TM9SF3: variants seen among roughly 807,000 people sequenced by gnomAD.
The protein encoded by TM9SF3 is SM-11044-binding protein.
In TM9SF3, 14 loss-of-function variants were observed where a neutral mutation model predicts 78.6. That is an observed-to-expected ratio of 0.18 (90% confidence interval 0.12 to 0.28). The LOEUF (loss-of-function observed/expected upper bound fraction) is 0.28, where lower values mean the gene tolerates loss of function less well. TM9SF3 is among the 10% of genes least tolerant of loss of function. The pLI, the probability that TM9SF3 is intolerant of heterozygous loss-of-function variation, is 1.00. For missense variants in TM9SF3, 496 were observed against 721.9 expected (o/e 0.69, Z 3.59); for synonymous variants, 231 against 241.7 (o/e 0.96, Z 0.41).
At chr10:96,563,519 G>A (rs1382252769) in intron 3 of TM9SF3, among the ~76,000 whole-genome samples, 8 of 152,114 alleles carry the variant, frequency 5.3e-5, no homozygotes, top group Non-Finnish European at 1.0e-4. Flanking sequence ...GGGACTATAG[G>A]TGTGCACCAC....
intron 2 of TM9SF3, among the ~76,000 whole-genome samples, chr10:96,576,099 T>C (rs947630899): frequency 1.4e-4 from 21 of 152,306 alleles, no homozygotes; most frequent in Admixed American, 1.2e-3. Context: ...AAGTTTGAAT[T>C]TGAGGCGTCA....
At chr10:96,578,047 C>A (rs539238300) in intron 1 of TM9SF3, among the ~76,000 whole-genome samples, 4 of 152,276 alleles carry the variant, frequency 2.6e-5, no homozygotes, top group African/African-American at 9.6e-5. Flanking sequence ...GACTCAAACC[C>A]CAAATCTCTC....
chr10:96,576,667 A>G lies in TM9SF3; in HGVS notation c.265T>C (p.Leu89=), dbSNP rs936420577. ...TLGEALQGVE[L]EFSGLDIKFK... is the part of the protein sequence containing the mutation. Reference sequence around the variant, plus strand: ...TTAATATCCAGACCACTAAATTCCAATTCAACCCCTTGAAGTGCTTCTCCC... The same window carrying G: ...TTAATATCCAGACCACTAAATTCCAGTTCAACCCCTTGAAGTGCTTCTCCC... Residue 89 remains leucine (L), a synonymous_variant, in exon 2 of 15, where the codon TTG becomes CTG. Transcript: ENST00000371142. The G allele has an allele frequency of 3.1e-6, 5 of 1,603,076 alleles. No homozygotes were observed. Among genetic ancestry groups the G allele is most frequent in the African/African-American group, 2.7e-5 (2 of 74,032 alleles).
chr10:96,569,267 G>T (rs775587202), intron 2 of TM9SF3, among the ~76,000 whole-genome samples: 5 of 152,180 alleles, frequency 3.3e-5, no homozygotes, highest in Non-Finnish European at 7.3e-5. Flanking sequence ...CAATGAAAGT[G>T]ATCTTTCCCT....
chr10:96,553,422 G>A (rs1316965442), intron 5 of TM9SF3, among the ~76,000 whole-genome samples: 4 of 152,162 alleles, frequency 2.6e-5, no homozygotes, highest in African/African-American at 7.2e-5. Context: ...CTATGTGACC[G>A]CGGTTTTCTC....
At chr10:96,564,581 A>C (rs1848348375) in intron 3 of TM9SF3, among the ~76,000 whole-genome samples, 2 of 152,248 alleles carry the variant, frequency 1.3e-5, no homozygotes, top group Admixed American at 1.3e-4. Context: ...ATATGTTCAG[A>C]CTTTGATAGT....
intron 11 of TM9SF3, among the ~76,000 whole-genome samples, chr10:96,529,644 A>AT (rs1343303439): frequency 1.5e-5 from 2 of 135,544 alleles, no homozygotes; most frequent in Admixed American, 7.8e-5. Context: ...ATGGCTCTAT[A>AT]TTTAAAAAAA....
chr10:96,582,573 A>G (rs1473679599), intron 1 of TM9SF3, among the ~76,000 whole-genome samples: 1 of 149,958 alleles, frequency 6.7e-6, no homozygotes, highest in Non-Finnish European at 1.5e-5. Context: ...TGTCCCTTCA[A>G]TCAGTTATTA....
At chr10:96,569,613 G>C (rs979577759) in intron 2 of TM9SF3, among the ~76,000 whole-genome samples, 1 of 152,202 alleles carries the variant, frequency 6.6e-6, no homozygotes, top group African/African-American at 2.4e-5. Context: ...CTTTGATTCA[G>C]TAATTCTACT....
intron 2 of TM9SF3, 61 bp downstream of exon 2, chr10:96,576,573 A>G: frequency 6.8e-7 from 1 of 1,463,550 alleles, no homozygotes. Context: ...AATAGTGCCA[A>G]AATATGAAAC....
chr10:96,580,880 A>G (rs1848560868), intron 1 of TM9SF3, among the ~76,000 whole-genome samples: 1 of 152,180 alleles, frequency 6.6e-6, no homozygotes, highest in African/African-American at 2.4e-5. Context: ...AACAAAAACA[A>G]AACTAAAGAA....
chr10:96,531,206 C>T (rs1316720724), intron 10 of TM9SF3, among the ~76,000 whole-genome samples: 2 of 152,156 alleles, frequency 1.3e-5, no homozygotes, highest in African/African-American at 4.8e-5. Flanking sequence ...TGGATGCCTT[C>T]TCTTGTCTCG....
At position 96,586,895 on chromosome 10, in the gene TM9SF3, TCCGCCGCCG is replaced by T. The variant is rs946249282; in HGVS notation, c.-69_-61del. The T allele has an allele frequency of 8.8e-7, 1 of 1,139,092 alleles. No individual in the cohort carries two copies. Among genetic ancestry groups the T allele is most frequent in the South Asian group, 4.2e-5 (1 of 23,532 alleles). The allele number at this position is 1,139,092 out of a possible 1,614,324, so 70.6% of individuals were successfully genotyped here. ...GACTCCTCCTCCCGCCGCCGCCTCC[TCCGCCGCCG>T]CCGCCTCCGCCGCGGCCGATTCGCA... On this transcript the variant is annotated 5_prime_UTR_variant, in exon 1 of 15. Coordinates refer to ENST00000371142, the MANE Select transcript of TM9SF3 (RefSeq NM_020123.4).
intron 7 of TM9SF3, among the ~76,000 whole-genome samples, chr10:96,549,822 A>AAC (rs1434463388): frequency 2.0e-5 from 3 of 150,598 alleles, no homozygotes; most frequent in Non-Finnish European, 4.4e-5. Context: ...CATTTTAAAA[A>AAC]AAAAAAAAAA....
chr10:96,578,459 C>A (rs1460964970), intron 1 of TM9SF3, among the ~76,000 whole-genome samples: 1 of 152,162 alleles, frequency 6.6e-6, no homozygotes, highest in Non-Finnish European at 1.5e-5. Flanking sequence ...CAGAGAAGGT[C>A]AGGACGAATA....
Position 96,521,031 on chromosome 10 carries a change from A to T in TM9SF3, c.*1232T>A. On this transcript the variant is annotated 3_prime_UTR_variant, in exon 15 of 15. Transcript: ENST00000371142. Reference sequence around the variant, plus strand: ...GAACATTCTAAAGCAATAATGCTTTAGATGTTACTTAAGTGTCCCAGACAG... The same window carrying T: ...GAACATTCTAAAGCAATAATGCTTTTGATGTTACTTAAGTGTCCCAGACAG... The T allele has an allele frequency of 2.5e-6, 1 of 394,468 alleles. No individual in the cohort carries two copies. Among genetic ancestry groups the T allele is most frequent in the Non-Finnish European group, 4.5e-6 (1 of 222,632 alleles). 24.4% of individuals were successfully genotyped at this position (394,468 alleles called of 1,614,324 possible). A position where few individuals can be genotyped will look rare whatever the true frequency, so the allele number is the denominator to read the frequency against.
chr10:96,548,012 A>C (rs1848122755), intron 7 of TM9SF3, 23 bp from the exon 8 acceptor site: 2 of 1,526,402 alleles, frequency 1.3e-6, no homozygotes. Context: ...AAAAGAAAAA[A>C]AAAATTAAAA....
intron 4 of TM9SF3, chr10:96,560,681 T>TGAC: frequency 1.7e-6 from 1 of 600,704 alleles, no homozygotes; most frequent in Non-Finnish European, 3.2e-6. Flanking sequence ...ATGATGATGA[T>TGAC]GATGACGATT....
At position 96,518,952 on chromosome 10, in the gene TM9SF3, T is replaced by C. The variant is rs780579403; in HGVS notation, c.*3311A>G. On this transcript the variant is annotated 3_prime_UTR_variant, in exon 15 of 15. Coordinates refer to ENST00000371142, the MANE Select transcript of TM9SF3 (RefSeq NM_020123.4). ...TTTATTACATGTTCCAATAAACCAA[T>C]AGAATGAAGCACTAAGACACGGTGA... 3 of 152,018 alleles carry C rather than the reference T, an allele frequency of 2.0e-5. No homozygotes were observed. Among genetic ancestry groups the C allele is most frequent in the Non-Finnish European group, 2.9e-5 (2 of 67,928 alleles). 9.4% of individuals were successfully genotyped at this position (152,018 alleles called of 1,614,324 possible). A position where few individuals can be genotyped will look rare whatever the true frequency, so the allele number is the denominator to read the frequency against.
Sources: gnomAD v4.1 joint callset for allele counts (sites outside exome capture counted in the v4.1 genomes callset) on GRCh38, gnomAD v4.1.1 for gene constraint, MANE v1.5 for transcripts, NCBI Gene and HGNC (gene_info 2026-07-23, HGNC 2026-07-21) for gene names.